The following EED variants were observed in gnomAD, a reference collection of about 807,000 sequenced individuals.
The protein encoded by EED is embryonic ectoderm development.
In EED, 9 loss-of-function variants were observed where a neutral mutation model predicts 61.0. The ratio of observed to expected loss-of-function variants is 0.15; its 90% CI spans 0.09 to 0.26. The LOEUF (loss-of-function observed/expected upper bound fraction) is 0.26. EED is among the 10% of genes least tolerant of loss of function. The pLI, the probability that EED is intolerant of heterozygous loss-of-function variation, is 1.00. For synonymous variants in EED, 187 were observed against 174.4 expected (o/e 1.07, Z -0.57); for missense variants, 315 against 542.3 (o/e 0.58, Z 4.16).
intron 6 of EED, among the ~76,000 whole-genome samples, chr11:86,259,893 A>G (rs148754055): frequency 6.6e-6 from 1 of 152,342 alleles, no homozygotes; most frequent in African/African-American, 2.4e-5. Flanking sequence ...CCTCTCAGAC[A>G]CTGCTGGTGG....
intron 10 of EED, 97 bp downstream of exon 10, chr11:86,277,235 A>G: frequency 8.7e-7 from 1 of 1,152,134 alleles, no homozygotes; most frequent in South Asian, 2.1e-5. Flanking sequence ...TTTCCTTTAC[A>G]AATCTACCCT....
At position 86,250,346 on chromosome 11, in the gene EED, A is replaced by T; in HGVS notation, c.165A>T (p.Thr55=). 2 of 1,608,168 alleles carry T rather than the reference A, an allele frequency of 1.2e-6. No homozygotes were observed. Among genetic ancestry groups the T allele is most frequent in the Non-Finnish European group, 1.7e-6 (2 of 1,177,586 alleles). ...ESGTNTERPD[T]PTNTPNAPGR... ...GTACAAACACTGAACGCCCTGATAC[A>T]CCTACAAACACGCCAAATGCACCTG... The change falls in exon 2 of 12, where the codon ACA becomes ACT. Residue 55 remains threonine, a synonymous_variant. Coordinates refer to ENST00000263360, the MANE Select transcript of EED (RefSeq NM_003797.5).
rs367699974 is a variant in EED, at chr11:86,258,893, G to A, written c.634+1297G>A. Among the ~76,000 whole-genome samples the A allele has an allele frequency of 1.8e-3, 263 of 149,014 alleles. 1 individual carries two copies. Among genetic ancestry groups the A allele is most frequent in the African/African-American group, 6.3e-3 (253 of 40,408 alleles). On this transcript the variant is annotated intron_variant, in intron 6 of 11. Transcript: ENST00000263360. ...TTTATTTATTTATTTTTGAGACAGA[G>A]TCTTGCTTTGGCGCCCAGGCTGGAG...
rs1368230454 is a variant in EED at position 86,278,337 on chromosome 11, T to C, written c.1200-62T>C. On this transcript the variant is annotated intron_variant, in intron 11 of 11. Transcript: ENST00000263360. ...TCTGCTTATTTTCTAATCCGCTGTTTTAGGGTAGACACTGACAACGTTATG... is the reference window on the plus strand; with the variant it reads ...TCTGCTTATTTTCTAATCCGCTGTTCTAGGGTAGACACTGACAACGTTATG... 10 of 1,568,252 alleles carry C rather than the reference T, an allele frequency of 6.4e-6. No homozygotes were observed. The African/African-American group carries it at 9.5e-5, about 15-fold the overall frequency.
At chr11:86,255,964 C>A (rs778781647) in intron 4 of EED, among the ~76,000 whole-genome samples, 24 of 152,032 alleles carry the variant, frequency 1.6e-4, no homozygotes, top group Non-Finnish European at 2.4e-4. Context: ...GACTGTCTCA[C>A]AAAGAAAAAA....
At chr11:86,266,561 A>T (rs536417639) in intron 8 of EED, among the ~76,000 whole-genome samples, 2 of 152,262 alleles carry the variant, frequency 1.3e-5, no homozygotes, top group South Asian at 4.1e-4. Context: ...AGTAAAGGAC[A>T]CTTTAGAATA....
chr11:86,270,499 G>C (rs970797256), intron 9 of EED, among the ~76,000 whole-genome samples: 1 of 151,788 alleles, frequency 6.6e-6, no homozygotes, highest in African/African-American at 2.4e-5. Flanking sequence ...CTTTCACAGA[G>C]CAAATGTTTG....
intron 6 of EED, among the ~76,000 whole-genome samples, chr11:86,258,383 A>G (rs1945730058): frequency 6.6e-6 from 1 of 152,142 alleles, no homozygotes; most frequent in African/African-American, 2.4e-5. Context: ...ATTCCCATAA[A>G]GGGAAAGCAT....
chr11:86,279,100 T>C (rs1179307915), downstream of EED, among the ~76,000 whole-genome samples: 2 of 152,250 alleles, frequency 1.3e-5, no homozygotes, highest in Admixed American at 1.3e-4. Context: ...GAGATTATAG[T>C]TCCTATGGTT....
Position 86,258,675 on chromosome 11 carries a change from CCT to C in EED, c.634+1083_634+1084del, listed in dbSNP as rs565623665. Among the ~76,000 whole-genome samples, 130 of 151,372 alleles carry C rather than the reference CCT, an allele frequency of 8.6e-4. 1 individual carries two copies. Among genetic ancestry groups the C allele is most frequent in the African/African-American group, 1.9e-3 (77 of 41,242 alleles). ...GGTTTAAGAGATTCTCCTGCCTCAG[CCT>C]CTCGAGTAGCTGGGATTACAGGCAT... On this transcript the variant is annotated intron_variant, in intron 6 of 11. Transcript: ENST00000263360.
In EED at chr11:86,256,422, T is replaced by C; in HGVS notation, c.462T>C (p.Tyr154=). Residue 154 remains tyrosine, a synonymous_variant, in exon 5 of 12, where the codon TAT becomes TAC. Coordinates refer to ENST00000263360, the MANE Select transcript of EED (RefSeq NM_003797.5). ...DENFYTCAWT[Y]DSNTSHPLLA... ...ACTTTTACACTTGTGCATGGACCTA[T>C]GATAGCAATACGAGCCATCCTCTGC... is the stretch of plus-strand genomic sequence containing the variant. The C allele has an allele frequency of 6.2e-7, 1 of 1,611,520 alleles. No individual in the cohort carries two copies. The highest frequency in any genetic ancestry group is 8.5e-7 in the Non-Finnish European group (1 of 1,178,382).
At chr11:86,246,981 A>G (rs1945408486) in intron 1 of EED, among the ~76,000 whole-genome samples, 1 of 152,196 alleles carries the variant, frequency 6.6e-6, no homozygotes, top group African/African-American at 2.4e-5. Flanking sequence ...CATGTTATTT[A>G]TTTATAATAA....
chr11:86,270,076 T>C (rs1398296613), intron 9 of EED: 2 of 699,004 alleles, frequency 2.9e-6, no homozygotes, highest in South Asian at 3.0e-5. Context: ...GCCAAACTAT[T>C]TTCCAGAGTG....
At chr11:86,264,015 G>A (rs1473695166) in intron 6 of EED, 157 bp from the exon 7 acceptor site, 1 of 584,082 alleles carries the variant, frequency 1.7e-6, no homozygotes, top group African/African-American at 1.9e-5. Context: ...TTCTACATCT[G>A]ATGTAAACAT....
intron 5 of EED, 101 bp downstream of exon 5, chr11:86,256,613 TC>T: frequency 8.5e-7 from 1 of 1,179,366 alleles, no homozygotes; most frequent in Non-Finnish European, 1.1e-6. Flanking sequence ...ATGTAACATT[TC>T]TCATTTGATT....
chr11:86,251,104 G>A (rs1295977641), intron 2 of EED, among the ~76,000 whole-genome samples: 5 of 151,984 alleles, frequency 3.3e-5, no homozygotes, highest in African/African-American at 4.8e-5. Flanking sequence ...GAGGAAAAAT[G>A]TGTATTATCT....
rs1405893505 is a variant in EED at position 86,244,777 on chromosome 11, C to T, written c.-453C>T. The T allele has an allele frequency of 8.5e-6, 2 of 233,952 alleles. No homozygotes were observed. The highest frequency in any genetic ancestry group is 2.2e-5 in the African/African-American group (1 of 44,962). 14.5% of individuals were successfully genotyped at this position (233,952 alleles called of 1,614,324 possible). Reference sequence around the variant, plus strand: ...CATTCCACAGACTTTCGCTCCCTAGCAGCGGGTCGGAGATCGAAGGAACGG... The same window carrying T: ...CATTCCACAGACTTTCGCTCCCTAGTAGCGGGTCGGAGATCGAAGGAACGG... On this transcript the variant is annotated 5_prime_UTR_variant, in exon 1 of 12. Coordinates refer to ENST00000263360, the MANE Select transcript of EED (RefSeq NM_003797.5).
downstream of EED, among the ~76,000 whole-genome samples, chr11:86,281,603 T>G (rs1401089681): frequency 1.3e-5 from 2 of 152,196 alleles, no homozygotes; most frequent in African/African-American, 4.8e-5. Context: ...ATCCCATAAG[T>G]TTTGACATGT....
the EED span, chr11:86,284,138 T>A: frequency 0.057 from 8,621 of 152,374 alleles, 503 homozygotes; most frequent in African/African-American, 0.14. Context: ...GAGGATCCAA[T>A]TGATGCCATA....
Sources: allele counts gnomAD v4.1 joint callset (sites outside exome capture counted in the v4.1 genomes callset), GRCh38; gene constraint gnomAD v4.1.1; transcripts MANE v1.5; gene names NCBI Gene and HGNC (gene_info 2026-07-23, HGNC 2026-07-21).